Variants in NAA50 observed in about 807,000 individuals in gnomAD.
NAA50 encodes the protein N-alpha-acetyltransferase 50.
NAA50 carries 7 observed loss-of-function variants against 20.7 expected under a neutral mutation model. The observed-to-expected ratio is 0.34, with a 90% confidence interval of 0.19 to 0.63. NAA50 has a LOEUF of 0.63. Ranked by LOEUF, NAA50 falls within the 30% of genes least tolerant of loss-of-function variation. The pLI is 0.75. For synonymous variants in NAA50, 54 were observed against 70.6 expected (o/e 0.77, Z 1.18); for missense variants, 111 against 199.1 (o/e 0.56, Z 2.66).
In NAA50 at chr3:113,746,139, T is replaced by G. The variant is rs370119217; in HGVS notation, c.-190A>C. 6.7e-3 allele frequency: 4,208 copies of G among 624,176 alleles called. 139 individuals are homozygous for G. The African/African-American group carries it at 0.072, about 11-fold the overall frequency. 38.7% of individuals were successfully genotyped at this position (624,176 alleles called of 1,614,324 possible). On this transcript the variant is annotated 5_prime_UTR_variant, in exon 1 of 5. Coordinates refer to ENST00000240922, the MANE Select transcript of NAA50 (RefSeq NM_025146.4). ...GGCTTGAGTCTGGTGGGGGCGGGAGTGTCTCCCGCCGCCGCGCTTGTGCCG... is the reference window on the plus strand; with the variant it reads ...GGCTTGAGTCTGGTGGGGGCGGGAGGGTCTCCCGCCGCCGCGCTTGTGCCG...
rs1056610113 is a variant in NAA50 at position 113,746,237 on chromosome 3, G to C, written c.-288C>G. On this transcript the variant is annotated 5_prime_UTR_variant, in exon 1 of 5. Transcript: ENST00000240922. ...TGCCGCCAGCCAGACCCGCTGCCGC[G>C]CTGTGACCTTTCACCCCGCCCCTCG... 2 of 456,856 alleles carry C rather than the reference G, an allele frequency of 4.4e-6. No individual in the cohort carries two copies. The highest frequency in any genetic ancestry group is 7.7e-6 in the Non-Finnish European group (2 of 258,156). The allele number at this position is 456,856 out of a possible 1,614,324, so 28.3% of individuals were successfully genotyped here.
intron 1 of NAA50, among the ~76,000 whole-genome samples, chr3:113,735,872 A>G (rs1303684401): frequency 1.3e-5 from 2 of 152,158 alleles, no homozygotes; most frequent in Non-Finnish European, 2.9e-5. Context: ...TAGTAGAGAC[A>G]GGGTTTCGCC....
In NAA50 at chr3:113,739,726, C is replaced by T. The variant is rs560070195; in HGVS notation, c.8+6216G>A. The T allele has an allele frequency of 3.3e-5, 5 of 152,336 alleles. No homozygotes were observed. In the South Asian group the frequency reaches 1.0e-3, roughly 32 times the overall value. 9.4% of individuals were successfully genotyped at this position (152,336 alleles called of 1,614,324 possible). ...AAATCCTTCAACACAGAGGTATAAA[C>T]AGCCATAAACTTTCTGTTGGCCCAC... On this transcript the variant is annotated intron_variant, in intron 1 of 4. Coordinates refer to ENST00000240922, the MANE Select transcript of NAA50 (RefSeq NM_025146.4).
intron 1 of NAA50, among the ~76,000 whole-genome samples, chr3:113,741,529 T>C (rs1577073625): frequency 6.6e-6 from 1 of 152,218 alleles, no homozygotes; most frequent in Non-Finnish European, 1.5e-5. Context: ...GCTTCAGATA[T>C]CACACAGCTG....
At position 113,717,659 on chromosome 3, in the gene NAA50, T is replaced by A. The variant is rs1708074515; in HGVS notation, c.*4101A>T. ...TTACTGTTCCTATTTGTGACTGTAGTATCCAATTTCCCAGAAATATTCAAA... is the reference window on the plus strand; with the variant it reads ...TTACTGTTCCTATTTGTGACTGTAGAATCCAATTTCCCAGAAATATTCAAA... On this transcript the variant is annotated 3_prime_UTR_variant, in exon 5 of 5. Coordinates refer to ENST00000240922, the MANE Select transcript of NAA50 (RefSeq NM_025146.4). 1 of 152,156 alleles carries A rather than the reference T, an allele frequency of 6.6e-6. No individual in the cohort carries two copies. Among genetic ancestry groups the A allele is most frequent in the Non-Finnish European group, 1.5e-5 (1 of 68,040 alleles). 9.4% of individuals were successfully genotyped at this position (152,156 alleles called of 1,614,324 possible).
intron 1 of NAA50, among the ~76,000 whole-genome samples, chr3:113,732,935 T>C (rs1708289311): frequency 6.6e-6 from 1 of 152,226 alleles, no homozygotes. Context: ...ATAGCCATTC[T>C]ACTGGTGTGA....
Position 113,721,828 on chromosome 3 carries a change from G to A in NAA50, c.442C>T (p.His148Tyr). The change falls in exon 5 of 5, where the codon CAT (histidine) becomes TAT (tyrosine). Residue 148 changes from histidine to tyrosine, a missense_variant. Transcript: ENST00000240922. ...ACTTTGAGGTTTTTCTGCAGCACAT[G>A]AGCATCTGCGGGCTCTATCCTCTTA... ...YYKRIEPADA[H>Y]VLQKNLKVPS... 1 of 1,613,910 alleles carries A rather than the reference G, an allele frequency of 6.2e-7. No homozygotes were observed. Among genetic ancestry groups the A allele is most frequent in the South Asian group, 1.1e-5 (1 of 91,072 alleles).
At chr3:113,722,846 A>C in intron 4 of NAA50, 60 bp downstream of exon 4, 1 of 1,458,850 alleles carries the variant, frequency 6.9e-7, no homozygotes, top group East Asian at 2.6e-5. Context: ...AGTTTCTAGT[A>C]AAGATTTCTC....
Position 113,718,521 on chromosome 3 carries a change from A to C in NAA50, c.*3239T>G, listed in dbSNP as rs985829549. 1.3e-5 allele frequency: 2 copies of C among 152,262 alleles called. No homozygotes were observed. Among genetic ancestry groups the C allele is most frequent in the Non-Finnish European group, 1.5e-5 (1 of 68,040 alleles). 9.4% of individuals were successfully genotyped at this position (152,262 alleles called of 1,614,324 possible). On this transcript the variant is annotated 3_prime_UTR_variant, in exon 5 of 5. Transcript: ENST00000240922. ...ATAACAATTTTGACTAGAAATATTA[A>C]ATACTGAATTCTGTTAAAGAAAAAA...
rs2107980417 is a variant in NAA50 at position 113,717,679 on chromosome 3, T to G, written c.*4081A>C. ...TGTAGTATCCAATTTCCCAGAAATA[T>G]TCAAATCAGTGAGAACAGCATCAGT... On this transcript the variant is annotated 3_prime_UTR_variant, in exon 5 of 5. Transcript: ENST00000240922. 6.6e-6 allele frequency: 1 copy of G among 152,342 alleles called. No homozygotes were observed. Among genetic ancestry groups the G allele is most frequent in the East Asian group, 1.9e-4 (1 of 5,184 alleles). 9.4% of individuals were successfully genotyped at this position (152,342 alleles called of 1,614,324 possible).
intron 1 of NAA50, among the ~76,000 whole-genome samples, chr3:113,736,699 G>T (rs991900061): frequency 6.6e-5 from 10 of 152,204 alleles, no homozygotes; most frequent in African/African-American, 2.4e-4. Flanking sequence ...GGTAAAAAGT[G>T]GTTTTTTTAA....
chr3:113,722,890 A>G lies in NAA50; in HGVS notation c.332+16T>C. The G allele has an allele frequency of 6.6e-7, 1 of 1,514,918 alleles. No individual in the cohort carries two copies. The highest frequency in any genetic ancestry group is 1.2e-5 in the South Asian group (1 of 81,916). The allele number at this position is 1,514,918 out of a possible 1,614,324, so 93.8% of individuals were successfully genotyped here. On this transcript the variant is annotated intron_variant, in intron 4 of 4. Coordinates refer to ENST00000240922, the MANE Select transcript of NAA50 (RefSeq NM_025146.4). Reference sequence around the variant, plus strand: ...TAAACCCCTTTGATAAGAACATTAAATATTATTTTACTTACAGATAAATGT... The same window carrying G: ...TAAACCCCTTTGATAAGAACATTAAGTATTATTTTACTTACAGATAAATGT...
intron 1 of NAA50, among the ~76,000 whole-genome samples, chr3:113,742,443 T>TTTTG (rs1469934456): frequency 6.7e-6 from 1 of 150,210 alleles, no homozygotes; most frequent in African/African-American, 2.5e-5. Flanking sequence ...TTTTTTTTTT[T>TTTTG]GAGACAGAGT....
At chr3:113,731,503 C>T (rs898859271) in intron 1 of NAA50, among the ~76,000 whole-genome samples, 2 of 140,282 alleles carry the variant, frequency 1.4e-5, no homozygotes, top group East Asian at 4.3e-4. Context: ...ACCATAAAAG[C>T]CATGTTTTAA....
rs546964596 is a variant in NAA50 at position 113,729,087 on chromosome 3, G to A, written c.9-4992C>T. Among the ~76,000 whole-genome samples the A allele has an allele frequency of 4.0e-5, 6 of 151,720 alleles. 1 individual carries two copies. In the South Asian group the frequency reaches 1.2e-3, roughly 32 times the overall value. Reference sequence around the variant, plus strand: ...TGCAACCTCCGCATCCTGGGTTCAAGCAATCCTCCTGCCTCAGCCTCCTAA... The same window carrying A: ...TGCAACCTCCGCATCCTGGGTTCAAACAATCCTCCTGCCTCAGCCTCCTAA... On this transcript the variant is annotated intron_variant, in intron 1 of 4. Transcript: ENST00000240922.
intron 1 of NAA50, among the ~76,000 whole-genome samples, chr3:113,737,062 G>C (rs932647830): frequency 6.6e-6 from 1 of 152,036 alleles, no homozygotes; most frequent in African/African-American, 2.4e-5. Flanking sequence ...GACAGTTATG[G>C]ATAAAGCCAG....
In NAA50 at chr3:113,746,203, T is replaced by A; in HGVS notation, c.-254A>T. On this transcript the variant is annotated 5_prime_UTR_variant, in exon 1 of 5. Transcript: ENST00000240922. The stretch of plus-strand genomic sequence containing the variant: ...CGTGCACTCGGGTCTCTCGGCTCCC[T>A]CCCGCCGCTGCCGCCAGCCAGACCC... The A allele has an allele frequency of 2.4e-6, 1 of 421,648 alleles. No individual in the cohort carries two copies. Among genetic ancestry groups the A allele is most frequent in the Non-Finnish European group, 4.2e-6 (1 of 236,414 alleles). 26.1% of individuals were successfully genotyped at this position (421,648 alleles called of 1,614,324 possible).
At chr3:113,722,083 C>A (rs562829328) in intron 4 of NAA50, 146 bp from the exon 5 acceptor site, 50 of 697,290 alleles carry the variant, frequency 7.2e-5, no homozygotes, top group Non-Finnish European at 1.1e-4. Context: ...TTACCTAAAA[C>A]CTTTTGATGA....
At chr3:113,723,312 C>G in intron 3 of NAA50, 110 bp downstream of exon 3, 1 of 1,032,650 alleles carries the variant, frequency 9.7e-7, no homozygotes, top group Non-Finnish European at 1.4e-6. Flanking sequence ...ATTCAGTAAC[C>G]CTTTCTCAGT....
Sources: allele counts gnomAD v4.1 joint callset (sites outside exome capture counted in the v4.1 genomes callset), GRCh38; gene constraint gnomAD v4.1.1; transcripts MANE v1.5; gene names NCBI Gene and HGNC (gene_info 2026-07-23, HGNC 2026-07-21).